The following TTC34 variants were observed in gnomAD, a reference collection of about 807,000 sequenced individuals.
TTC34 encodes tetratricopeptide repeat domain 34.
TTC34 carries 44 observed loss-of-function variants against 40.7 expected under a neutral mutation model. The ratio of observed to expected loss-of-function variants is 1.08; its 90% confidence interval spans 0.85 to 1.39. TTC34 has a LOEUF of 1.39. Among genes scored for constraint, TTC34 ranks in the 40% most tolerant of loss-of-function variants. TTC34 has a pLI of 0.00. For missense variants in TTC34, 884 were observed against 838.0 expected (o/e 1.05, Z -0.68); for synonymous variants, 422 against 398.6 (o/e 1.06, Z -0.70).
chr1:2,768,649 A>G (rs1641882418), intron 6 of TTC34, among the ~76,000 whole-genome samples: 2 of 151,800 alleles, frequency 1.3e-5, no homozygotes, highest in Non-Finnish European at 2.9e-5. Flanking sequence ...AGCCTGGAAC[A>G]GCAGCTCACA....
chr1:2,765,818 C>T (rs1641773894), intron 6 of TTC34, among the ~76,000 whole-genome samples: 1 of 9,354 alleles, frequency 1.1e-4, no homozygotes, highest in Non-Finnish European at 1.6e-4. Flanking sequence ...ATCTGACAGC[C>T]TGGAGCAGCA....
intron 2 of TTC34, among the ~76,000 whole-genome samples, chr1:2,799,670 C>T (rs996328168): frequency 2.0e-5 from 3 of 152,138 alleles, no homozygotes; most frequent in African/African-American, 2.4e-5. Flanking sequence ...GTCTCCCATT[C>T]GTTTTCCCCT....
At chr1:2,791,504 A>ACCTCCATCATCACCTCAACC (rs1450983257) in intron 2 of TTC34, among the ~76,000 whole-genome samples, 32 of 152,376 alleles carry the variant, frequency 2.1e-4, no homozygotes, top group African/African-American at 7.5e-4. Context: ...CACGCAGGGC[A>ACCTCCATCATCACCTCAACC]CAGAAGCAAA....
chr1:2,765,796 C>A (rs1641773157), intron 6 of TTC34, among the ~76,000 whole-genome samples: 4 of 20,054 alleles, frequency 2.0e-4, no homozygotes, highest in Admixed American at 5.2e-4. Flanking sequence ...GCGCCCACAC[C>A]CCCGGGCGAG....
chr1:2,769,832 A>C (rs1292437340), intron 6 of TTC34, among the ~76,000 whole-genome samples: 226 of 21,166 alleles, frequency 0.011, no homozygotes, highest in African/African-American at 0.033. Flanking sequence ...GGCGCCCACA[A>C]TCCCAGGTTA....
chr1:2,650,889 C>T lies in TTC34; in HGVS notation c.2227-5326G>A, dbSNP rs550178256. Among the ~76,000 whole-genome samples the T allele has an allele frequency of 4.7e-5, 7 of 147,782 alleles. No homozygotes were observed. The East Asian group carries it at 1.5e-3, about 31-fold the overall frequency. ...ACACCACAGGTGAGCAGCTGACAGG[C>T]TGCAACAGCACCCACACCCCCAGGT... is the stretch of plus-strand genomic sequence containing the variant. On this transcript the variant is annotated intron_variant, in intron 6 of 8. Transcript: ENST00000401095.
exon 9 of TTC34, chr1:2,641,664 G>C: frequency 1.3e-6 from 2 of 1,535,402 alleles, no homozygotes; most frequent in Non-Finnish European, 1.7e-6. Flanking sequence ...CGACCCTGAC[G>C]GCAGAAGTCC....
rs149157130 is a variant in TTC34, at chr1:2,795,420, G to A, written c.784+4624C>T. Among the ~76,000 whole-genome samples the A allele has an allele frequency of 4.2e-3, 635 of 152,340 alleles. 2 individuals are homozygous for A. The highest frequency in any genetic ancestry group is 0.013 in the African/African-American group (561 of 41,578). ...AGGTGGCCTCACTCATGTGTCCGGG[G>A]CCTTGGTGATGGCTGTCAGCTGAGC... On this transcript the variant is annotated intron_variant, in intron 2 of 8. Transcript: ENST00000401095.
intron 6 of TTC34, among the ~76,000 whole-genome samples, chr1:2,761,357 C>T (rs1379201871): frequency 8.3e-5 from 5 of 60,420 alleles, no homozygotes; most frequent in African/African-American, 1.4e-4. Context: ...TGGAGCAGCA[C>T]CCACACCCCT....
intron 6 of TTC34, among the ~76,000 whole-genome samples, chr1:2,647,048 T>C (rs1021282876): frequency 2.6e-5 from 4 of 152,346 alleles, no homozygotes; most frequent in African/African-American, 9.6e-5. Context: ...TTGTATGTCA[T>C]TTGTTCACCC....
chr1:2,695,031 C>A (rs1640796429), intron 6 of TTC34, among the ~76,000 whole-genome samples: 5 of 151,774 alleles, frequency 3.3e-5, no homozygotes, highest in Non-Finnish European at 7.4e-5. Context: ...CAGCACCCTG[C>A]ACCCCCAGGT....
intron 6 of TTC34, among the ~76,000 whole-genome samples, chr1:2,653,452 C>A (rs142538796): frequency 0.07 from 1,141 of 16,328 alleles, no homozygotes; most frequent in South Asian, 0.24. Context: ...CCTGCACCCC[C>A]AGGTGTGCAC....
intron 3 of TTC34, among the ~76,000 whole-genome samples, chr1:2,789,077 CAAA>C (rs1361299440): frequency 6.6e-6 from 1 of 152,114 alleles, no homozygotes; most frequent in African/African-American, 2.4e-5. Context: ...GACTCCATCT[CAAA>C]GAACAAAAAA....
At chr1:2,691,541 A>T (rs1163656464) in intron 6 of TTC34, among the ~76,000 whole-genome samples, 3 of 79,866 alleles carry the variant, frequency 3.8e-5, no homozygotes, top group East Asian at 3.6e-4. Flanking sequence ...CAGAACCCAC[A>T]CCCCCAGGTG....
At chr1:2,748,355 CA>C (rs1641214805) in intron 6 of TTC34, among the ~76,000 whole-genome samples, 3 of 73,392 alleles carry the variant, frequency 4.1e-5, no homozygotes, top group African/African-American at 7.5e-5. Flanking sequence ...GAGCAGCACC[CA>C]CACCCCCAGG....
At chr1:2,761,113 T>G (rs1641672263) in intron 6 of TTC34, among the ~76,000 whole-genome samples, 2 of 46,302 alleles carry the variant, frequency 4.3e-5, no homozygotes, top group Admixed American at 2.2e-4. Context: ...TCCTGGAGCA[T>G]CACATACTCC....
intron 6 of TTC34, among the ~76,000 whole-genome samples, chr1:2,686,701 C>A (rs1416817097): frequency 7.2e-6 from 1 of 138,852 alleles, no homozygotes; most frequent in African/African-American, 2.8e-5. Flanking sequence ...GCGCACGTGA[C>A]AGCCTGGAAC....
intron 6 of TTC34, among the ~76,000 whole-genome samples, chr1:2,750,075 G>A (rs1641265550): frequency 1.0e-5 from 1 of 97,236 alleles, no homozygotes; most frequent in Non-Finnish European, 1.9e-5. Context: ...GCCTGGAGCA[G>A]CAGGCACACC....
chr1:2,638,064 T>C (rs960235356), exon 9 of TTC34: 1 of 152,126 alleles, frequency 6.6e-6, no homozygotes, highest in African/African-American at 2.4e-5. Flanking sequence ...TTTTTTTTGT[T>C]CTGCTTGAAA....
Sources: allele counts gnomAD v4.1 joint callset (sites outside exome capture counted in the v4.1 genomes callset), GRCh38; gene constraint gnomAD v4.1.1; transcripts MANE v1.5; gene names NCBI Gene and HGNC (gene_info 2026-07-23, HGNC 2026-07-21).